ZCCHC7: variants seen among roughly 807,000 people sequenced by gnomAD.
ZCCHC7 encodes the protein zinc finger CCHC-type containing 7.
ZCCHC7 carries 35 observed loss-of-function variants against 52.0 expected under a neutral mutation model. The ratio of observed to expected loss-of-function variants is 0.67; its 90% CI spans 0.51 to 0.89. ZCCHC7 has a LOEUF of 0.89. Among genes scored for constraint, ZCCHC7 ranks in the 40% least tolerant of loss-of-function variants. The probability of loss-of-function intolerance (pLI) is 0.00; values close to 1 mark genes in which losing one functional copy is unlikely to be tolerated. For synonymous variants in ZCCHC7, 217 were observed against 221.5 expected, an observed-to-expected ratio of 0.98 and a Z score of 0.18; for missense variants, 574 against 649.1, an observed-to-expected ratio of 0.88 and a Z score of 1.26.
chr9:37,182,284 T>C (rs1822397592), intron 2 of ZCCHC7, among the ~76,000 whole-genome samples: 1 of 152,236 alleles, frequency 6.6e-6, no homozygotes, highest in Admixed American at 6.5e-5. Context: ...GGCACATTTA[T>C]CTATTAGCAT....
chr9:37,193,207 T>A (rs1320004161), intron 2 of ZCCHC7, among the ~76,000 whole-genome samples: 1 of 152,182 alleles, frequency 6.6e-6, no homozygotes, highest in Admixed American at 6.5e-5. Flanking sequence ...TTTGTATTGC[T>A]GAAATTTAAA....
At chr9:37,329,056 A>G (rs778300333) in intron 6 of ZCCHC7, among the ~76,000 whole-genome samples, 1 of 151,926 alleles carries the variant, frequency 6.6e-6, no homozygotes, top group Non-Finnish European at 1.5e-5. Context: ...ATCATAATAT[A>G]GTGAAATCAT....
At position 37,140,271 on chromosome 9, in the gene ZCCHC7, G is replaced by A. The variant is rs545685261; in HGVS notation, c.610+13329G>A. ...GGATTTTAATAGCTAATAAAAATTC[G>A]TTGTTCTGATAAGAACTTGAAAGAC... On this transcript the variant is annotated intron_variant, in intron 2 of 8. Coordinates refer to ENST00000336755, the MANE Select transcript of ZCCHC7 (RefSeq NM_032226.3). 6.6e-4 allele frequency among the ~76,000 whole-genome samples: 100 copies of A among 151,918 alleles called. 2 individuals are homozygous for A. Among genetic ancestry groups the A allele is most frequent in the African/African-American group, 2.4e-5 (1 of 41,502 alleles).
At chr9:37,217,483 A>C (rs956759226) in intron 2 of ZCCHC7, among the ~76,000 whole-genome samples, 1 of 152,146 alleles carries the variant, frequency 6.6e-6, no homozygotes, top group Admixed American at 6.5e-5. Flanking sequence ...TAAAACCTAT[A>C]GTATTTTGGC....
At chr9:37,276,208 GT>G (rs1190160828) in intron 2 of ZCCHC7, among the ~76,000 whole-genome samples, 1 of 152,156 alleles carries the variant, frequency 6.6e-6, no homozygotes, top group Non-Finnish European at 1.5e-5. Context: ...TCGTGCTGGA[GT>G]TTCTACTTCT....
intron 2 of ZCCHC7, among the ~76,000 whole-genome samples, chr9:37,282,480 C>T (rs1016940047): frequency 6.6e-6 from 1 of 151,470 alleles, no homozygotes; most frequent in African/African-American, 2.4e-5. Flanking sequence ...TGGTGGGTGC[C>T]TGTAGTCCCA....
At chr9:37,317,396 T>C (rs1249471391) in intron 5 of ZCCHC7, among the ~76,000 whole-genome samples, 1 of 152,214 alleles carries the variant, frequency 6.6e-6, no homozygotes, top group East Asian at 1.9e-4. Context: ...TGAATACTTC[T>C]TGATAATCTG....
intron 1 of ZCCHC7, among the ~76,000 whole-genome samples, chr9:37,124,457 C>G (rs1469423301): frequency 6.6e-6 from 1 of 151,894 alleles, no homozygotes; most frequent in African/African-American, 2.4e-5. Flanking sequence ...ATTCAGCAAA[C>G]GTTTGTAGCT....
intron 2 of ZCCHC7, among the ~76,000 whole-genome samples, chr9:37,238,708 A>C (rs925602042): frequency 6.6e-6 from 1 of 152,086 alleles, no homozygotes; most frequent in East Asian, 1.9e-4. Flanking sequence ...GATCATTTCA[A>C]CTGTTTCTTT....
intron 2 of ZCCHC7, among the ~76,000 whole-genome samples, chr9:37,272,733 T>C (rs1304816092): frequency 6.6e-6 from 1 of 152,252 alleles, no homozygotes; most frequent in Non-Finnish European, 1.5e-5. Flanking sequence ...ATGTATAATA[T>C]TATTTTGCAC....
rs7856253 is a variant in ZCCHC7 at position 37,336,949 on chromosome 9, T to C, written c.987+9115T>C. Among the ~76,000 whole-genome samples, 723 of 152,194 alleles carry C rather than the reference T, an allele frequency of 4.8e-3. 6 individuals are homozygous for C. The highest frequency in any genetic ancestry group is 0.014 in the African/African-American group (585 of 41,526). ...GTTTGGGGTCCAAACAGTGGTAAGA[T>C]ACCCTGTCACCGATCCCGCATGCTA... is the stretch of plus-strand genomic sequence containing the variant. On this transcript the variant is annotated intron_variant, in intron 6 of 8. Transcript: ENST00000336755.
intron 2 of ZCCHC7, among the ~76,000 whole-genome samples, chr9:37,180,204 A>G (rs577184623): frequency 6.6e-6 from 1 of 152,296 alleles, no homozygotes; most frequent in African/African-American, 2.4e-5. Flanking sequence ...TGTAGCTGAA[A>G]ATTAGAGCAG....
chr9:37,256,042 G>A (rs1826570057), intron 2 of ZCCHC7, among the ~76,000 whole-genome samples: 1 of 152,050 alleles, frequency 6.6e-6, no homozygotes. Flanking sequence ...GTTTTAATAA[G>A]CATTCTACAT....
Position 37,269,638 on chromosome 9 carries a change from A to AC in ZCCHC7, c.611-32550_611-32549insC, listed in dbSNP as rs1403502815. Among the ~76,000 whole-genome samples the AC allele has an allele frequency of 2.6e-3, 380 of 148,902 alleles. 2 individuals are homozygous for AC. Among genetic ancestry groups the AC allele is most frequent in the African/African-American group, 8.9e-3 (361 of 40,492 alleles). On this transcript the variant is annotated intron_variant, in intron 2 of 8. Coordinates refer to ENST00000336755, the MANE Select transcript of ZCCHC7 (RefSeq NM_032226.3). Reference sequence around the variant, plus strand: ...TGTCTCAAAAAAAAAAAAAAAAAAAAAAAAAAAACAAAAGAAGTTCTAGGC... The same window carrying AC: ...TGTCTCAAAAAAAAAAAAAAAAAAAACAAAAAAAACAAAAGAAGTTCTAGGC...
chr9:37,336,475 A>G (rs1830667191), intron 6 of ZCCHC7, among the ~76,000 whole-genome samples: 1 of 152,134 alleles, frequency 6.6e-6, no homozygotes, highest in Non-Finnish European at 1.5e-5. Flanking sequence ...ATTACAGTGG[A>G]ATAAGCAGAG....
At chr9:37,148,017 A>G (rs544132807) in intron 2 of ZCCHC7, among the ~76,000 whole-genome samples, 3 of 152,114 alleles carry the variant, frequency 2.0e-5, no homozygotes, top group African/African-American at 7.2e-5. Flanking sequence ...CATGTTGAGG[A>G]AGAAAAAAGA....
At chr9:37,310,985 T>C (rs938873988) in intron 5 of ZCCHC7, among the ~76,000 whole-genome samples, 1 of 146,014 alleles carries the variant, frequency 6.8e-6, no homozygotes, top group African/African-American at 2.6e-5. Context: ...AAAAAATCAA[T>C]ATATTATAAA....
Position 37,201,540 on chromosome 9 carries a change from T to A in ZCCHC7, c.610+74598T>A, listed in dbSNP as rs185944721. On this transcript the variant is annotated intron_variant, in intron 2 of 8. Coordinates refer to ENST00000336755, the MANE Select transcript of ZCCHC7 (RefSeq NM_032226.3). ...TTAAAGGTTTTCTATGCTATTTTAT[T>A]TGTGTTCATCAAAAACACAAGATCA... Among the ~76,000 whole-genome samples, 6 of 152,352 alleles carry A rather than the reference T, an allele frequency of 3.9e-5. No individual in the cohort carries two copies. In the East Asian group the frequency reaches 1.2e-3, roughly 29 times the overall value.
intron 5 of ZCCHC7, among the ~76,000 whole-genome samples, chr9:37,322,958 A>G (rs1464612610): frequency 2.0e-5 from 3 of 152,174 alleles, no homozygotes; most frequent in African/African-American, 7.2e-5. Context: ...AACAATAGTT[A>G]ATACAGTGGA....
Sources: allele counts gnomAD v4.1 joint callset (sites outside exome capture counted in the v4.1 genomes callset), GRCh38; gene constraint gnomAD v4.1.1; transcripts MANE v1.5; gene names NCBI Gene and HGNC (gene_info 2026-07-23, HGNC 2026-07-21).